Variants in HELZ observed in about 807,000 individuals in gnomAD.
HELZ encodes the protein helicase with zinc finger.
A neutral mutation model predicts 218.2 loss-of-function variants in HELZ; 23 were observed. The observed-to-expected ratio is 0.11, with a 90% CI of 0.08 to 0.15. The LOEUF (loss-of-function observed/expected upper bound fraction) is 0.15, where lower values mean the gene tolerates loss of function less well. Ranked by LOEUF, HELZ falls within the 10% of genes least tolerant of loss-of-function variation. The pLI is 1.00. For missense variants in HELZ, 1,813 were observed against 2,353.7 expected (o/e 0.77, Z 4.75); for synonymous variants, 814 against 829.4 (o/e 0.98, Z 0.32).
chr17:67,230,969 A>G (rs896764576), intron 3 of HELZ, among the ~76,000 whole-genome samples: 5 of 152,252 alleles, frequency 3.3e-5, no homozygotes, highest in Non-Finnish European at 7.3e-5. Context: ...AGTAAAAAAC[A>G]GATTATAAAT....
At chr17:67,159,103 A>G (rs1018477181) in intron 17 of HELZ, among the ~76,000 whole-genome samples, 1 of 152,330 alleles carries the variant, frequency 6.6e-6, no homozygotes, top group Middle Eastern at 3.4e-3. Context: ...AATGCTAACT[A>G]CTCAACTTTC....
chr17:67,140,315 C>T (rs2038283166), intron 21 of HELZ, among the ~76,000 whole-genome samples: 1 of 152,144 alleles, frequency 6.6e-6, no homozygotes, highest in Non-Finnish European at 1.5e-5. Context: ...ATAAGTTCTG[C>T]CCAGGAGACG....
At chr17:67,101,017 G>C (rs998770762) in intron 31 of HELZ, among the ~76,000 whole-genome samples, 4 of 151,818 alleles carry the variant, frequency 2.6e-5, no homozygotes, top group African/African-American at 9.7e-5. Flanking sequence ...GGCTGAGGCA[G>C]GAGAATGGCA....
chr17:67,127,284 A>C (rs1409482323), intron 24 of HELZ, among the ~76,000 whole-genome samples: 1 of 152,194 alleles, frequency 6.6e-6, no homozygotes, highest in Non-Finnish European at 1.5e-5. Flanking sequence ...ACCTACAATA[A>C]CATCTGGCAC....
rs566162785 is a variant in HELZ, at chr17:67,070,930, T to C, written c.*7322A>G. The C allele has an allele frequency of 6.6e-6, 1 of 152,286 alleles. No homozygotes were observed. Among genetic ancestry groups the C allele is most frequent in the African/African-American group, 2.4e-5 (1 of 41,564 alleles). 9.4% of individuals were successfully genotyped at this position (152,286 alleles called of 1,614,324 possible). ...ACTCAGTATGAATTTGCTAAGTAACTGATCTATGAAGTTAGCTGAACAAGT... is the reference window on the plus strand; with the variant it reads ...ACTCAGTATGAATTTGCTAAGTAACCGATCTATGAAGTTAGCTGAACAAGT... On this transcript the variant is annotated 3_prime_UTR_variant, in exon 33 of 33. Coordinates refer to ENST00000358691, the MANE Select transcript of HELZ (RefSeq NM_014877.4).
At chr17:67,149,835 A>C in intron 19 of HELZ, 32 bp downstream of exon 19, 1 of 1,203,548 alleles carries the variant, frequency 8.3e-7, no homozygotes, top group South Asian at 1.3e-5. Context: ...ATTAAAAGTT[A>C]CTTTCAACAC....
Position 67,205,345 on chromosome 17 carries a change from C to T in HELZ, c.248-1902G>A, listed in dbSNP as rs151057172. Among the ~76,000 whole-genome samples, 828 of 151,744 alleles carry T rather than the reference C, an allele frequency of 5.5e-3. 5 individuals are homozygous for T. The highest frequency in any genetic ancestry group is 0.019 in the African/African-American group (786 of 41,430). ...GTCTCAAAAAAAAAAAAAAATTGCT[C>T]TGAAGAAAAATGACACTCCTACTAA... On this transcript the variant is annotated intron_variant, in intron 5 of 32. Coordinates refer to ENST00000358691, the MANE Select transcript of HELZ (RefSeq NM_014877.4).
At position 67,108,356 on chromosome 17, in the gene HELZ, T is replaced by C. The variant is rs2037170725; in HGVS notation, c.4724+136A>G. 1.2e-5 allele frequency: 8 copies of C among 669,942 alleles called. No homozygotes were observed. The highest frequency in any genetic ancestry group is 2.2e-5 in the Admixed American group (1 of 45,268). The allele number at this position is 669,942 out of a possible 1,614,324, so 41.5% of individuals were successfully genotyped here. On this transcript the variant is annotated intron_variant, in intron 30 of 32. Coordinates refer to ENST00000358691, the MANE Select transcript of HELZ (RefSeq NM_014877.4). This position sits in a 1 kb window ranked among gnomAD's most constrained non-coding sequence, Gnocchi z 4.1. ...TATTTTAGAGTCAACAAGAGAACTG[T>C]GTAGCGTGTGCTTGGAAGGCCAGCA... is the stretch of plus-strand genomic sequence containing the variant.
intron 6 of HELZ, 98 bp downstream of exon 6, chr17:67,203,221 A>G (rs1293804461): frequency 7.7e-7 from 1 of 1,299,804 alleles, no homozygotes; most frequent in African/African-American, 1.5e-5. Flanking sequence ...GGAAGAACTA[A>G]AAGAAAAAAA....
At chr17:67,136,913 G>A (rs2038170716) in intron 22 of HELZ, among the ~76,000 whole-genome samples, 1 of 152,104 alleles carries the variant, frequency 6.6e-6, no homozygotes, top group South Asian at 2.1e-4. Flanking sequence ...CAGAACTTAT[G>A]TGCATAAAAA....
At chr17:67,156,690 C>T (rs1215158097) in intron 17 of HELZ, among the ~76,000 whole-genome samples, 2 of 152,046 alleles carry the variant, frequency 1.3e-5, no homozygotes, top group Admixed American at 6.6e-5. Flanking sequence ...TCTCCCCTAA[C>T]AATCTCATCT....
intron 31 of HELZ, 99 bp downstream of exon 31, chr17:67,107,070 T>A (rs1598230924): frequency 5.3e-6 from 6 of 1,131,450 alleles, no homozygotes; most frequent in Non-Finnish European, 7.6e-6. Context: ...AATACGCTGT[T>A]AAATTCAATA....
At chr17:67,099,487 C>T (rs986004311) in intron 31 of HELZ, among the ~76,000 whole-genome samples, 2 of 152,142 alleles carry the variant, frequency 1.3e-5, no homozygotes, top group African/African-American at 4.8e-5. Context: ...CACATATAAT[C>T]ACGATTTTCA....
At chr17:67,124,938 G>C (rs2037734450) in intron 24 of HELZ, among the ~76,000 whole-genome samples, 1 of 151,754 alleles carries the variant, frequency 6.6e-6, no homozygotes, top group South Asian at 2.1e-4. Flanking sequence ...AGGAAAAGTA[G>C]CACATTGCGC....
intron 27 of HELZ, among the ~76,000 whole-genome samples, chr17:67,115,855 G>A (rs539072322): frequency 3.9e-5 from 6 of 152,132 alleles, no homozygotes; most frequent in East Asian, 1.9e-4. Context: ...AGCTGGAATC[G>A]TCAATATACA....
intron 31 of HELZ, among the ~76,000 whole-genome samples, chr17:67,095,059 T>G (rs2036701364): frequency 6.6e-6 from 1 of 152,222 alleles, no homozygotes; most frequent in African/African-American, 2.4e-5. Flanking sequence ...GGTATTTTAC[T>G]CACAGAACTT....
At chr17:67,178,374 A>C (rs1257386940) in intron 13 of HELZ, among the ~76,000 whole-genome samples, 7 of 152,288 alleles carry the variant, frequency 4.6e-5, no homozygotes, top group African/African-American at 1.7e-4. Context: ...TAAGAGCAGG[A>C]ACCACGGATT....
At chr17:67,089,696 G>GAGACAGAGAC (rs1555595458) in intron 31 of HELZ, among the ~76,000 whole-genome samples, 2 of 122,672 alleles carry the variant, frequency 1.6e-5, no homozygotes, top group African/African-American at 3.2e-5. Context: ...GAGAGAGAGA[G>GAGACAGAGAC]AGAGACAGAG....
chr17:67,114,974 C>A (rs1192782666), intron 27 of HELZ, among the ~76,000 whole-genome samples: 1 of 152,138 alleles, frequency 6.6e-6, no homozygotes, highest in African/African-American at 2.4e-5. Context: ...ACAATTCATA[C>A]ATGGGAAAGG....
Sources: allele counts gnomAD v4.1 joint callset (sites outside exome capture counted in the v4.1 genomes callset), GRCh38; gene constraint gnomAD v4.1.1; non-coding constraint Gnocchi (gnomAD v3.1); transcripts MANE v1.5; gene names NCBI Gene and HGNC (gene_info 2026-07-23, HGNC 2026-07-21).